BRSK2: variants seen among roughly 807,000 people sequenced by gnomAD.
The protein encoded by BRSK2 is serine/threonine-protein kinase BRSK2.
BRSK2 carries 19 observed loss-of-function variants against 83.3 expected under a neutral mutation model. The ratio of observed to expected loss-of-function variants is 0.23; its 90% CI spans 0.16 to 0.33. The LOEUF (loss-of-function observed/expected upper bound fraction) is 0.33, where lower values mean the gene tolerates loss of function less well. BRSK2 is among the 10% of genes least tolerant of loss of function. The probability of loss-of-function intolerance (pLI) is 1.00; values close to 1 mark genes in which losing one functional copy is unlikely to be tolerated. For synonymous variants in BRSK2, 519 were observed against 435.4 expected (o/e 1.19, Z -2.39); for missense variants, 798 against 1,042.3 (o/e 0.77, Z 3.23).
At chr11:1,440,017 C>T (rs1479772850) in intron 3 of BRSK2, among the ~76,000 whole-genome samples, 1 of 152,212 alleles carries the variant, frequency 6.6e-6, no homozygotes, top group African/African-American at 2.4e-5. Context: ...CAGCTCTGAG[C>T]ATGCACCAAG....
At chr11:1,457,294 C>T (rs1041292443) in intron 18 of BRSK2, among the ~76,000 whole-genome samples, 5 of 152,200 alleles carry the variant, frequency 3.3e-5, no homozygotes, top group African/African-American at 1.2e-4. Context: ...GCCTGACGGG[C>T]TGTGACTTCT....
In BRSK2 at chr11:1,438,497, G is replaced by C. The variant is rs1293136806; in HGVS notation, c.272+106G>C. On this transcript the variant is annotated intron_variant, in intron 3 of 19. Transcript: ENST00000528841. This position sits in a 1 kb window ranked among gnomAD's most constrained non-coding sequence, Gnocchi z 6.4. ...AGCACAGGGGCTGGAGGCCAGGGGC[G>C]CCTGCTGCATCCCAGCAGCCCTGGC... is the stretch of plus-strand genomic sequence containing the variant. The C allele has an allele frequency of 9.9e-7, 1 of 1,013,160 alleles. No homozygotes were observed. The highest frequency in any genetic ancestry group is 2.0e-5 in the Admixed American group (1 of 50,284). The allele number at this position is 1,013,160 out of a possible 1,614,324, so 62.8% of individuals were successfully genotyped here.
chr11:1,413,539 A>C (rs1847786661), intron 1 of BRSK2, among the ~76,000 whole-genome samples: 1 of 152,176 alleles, frequency 6.6e-6, no homozygotes, highest in African/African-American at 2.4e-5. Flanking sequence ...CCTACAGCCC[A>C]CATGGGCCCT....
chr11:1,423,132 C>T lies in BRSK2; in HGVS notation c.92-12908C>T, dbSNP rs559723427. Among the ~76,000 whole-genome samples, 2 of 152,336 alleles carry T rather than the reference C, an allele frequency of 1.3e-5. No individual in the cohort carries two copies. Among genetic ancestry groups the T allele is most frequent in the African/African-American group, 4.8e-5 (2 of 41,580 alleles). ...CCCAGGACCTCCCCAAGAGCTGTGC[C>T]TCCATGTACCTCAGGGCCTCCCCCA... On this transcript the variant is annotated intron_variant, in intron 1 of 19. Coordinates refer to ENST00000528841, the MANE Select transcript of BRSK2 (RefSeq NM_001256627.2). This position sits in a 1 kb window ranked among gnomAD's most constrained non-coding sequence, Gnocchi z 6.5.
chr11:1,420,974 G>T (rs1402293389), intron 1 of BRSK2, among the ~76,000 whole-genome samples: 1 of 152,178 alleles, frequency 6.6e-6, no homozygotes, highest in East Asian at 1.9e-4. Flanking sequence ...CTCAACCCTG[G>T]AGCCTGACTG....
intron 1 of BRSK2, among the ~76,000 whole-genome samples, chr11:1,416,000 A>G (rs1053241909): frequency 2.0e-5 from 3 of 152,264 alleles, no homozygotes; most frequent in Non-Finnish European, 2.9e-5. Flanking sequence ...GCCAGTGGGA[A>G]CTGGAACCAG....
At chr11:1,446,274 T>G (rs1590619403) in intron 12 of BRSK2, among the ~76,000 whole-genome samples, 2 of 53,856 alleles carry the variant, frequency 3.7e-5, no homozygotes, top group Admixed American at 5.7e-4. Flanking sequence ...TGAATTAGGG[T>G]GGGCGGGGCT....
intron 18 of BRSK2, chr11:1,457,095 G>A (rs1193344102): frequency 6.8e-7 from 1 of 1,476,236 alleles, no homozygotes; most frequent in East Asian, 2.5e-5. Context: ...CTGCGGGCAG[G>A]TCCTCGGCGG....
chr11:1,403,044 G>A (rs12803791), intron 1 of BRSK2, among the ~76,000 whole-genome samples: 42,288 of 152,054 alleles, frequency 0.28, 5,992 homozygotes, highest in Middle Eastern at 0.43. Flanking sequence ...GGGACCCCCC[G>A]GGGCCACCAC....
Position 1,438,743 on chromosome 11 carries a change from C to T in BRSK2, c.272+352C>T, listed in dbSNP as rs949049691. Reference sequence around the variant, plus strand: ...ATGGCCACGCTGAGCCTCCTGGCCTCTGCCCAGGACGTCCCCAGCCCTGGG... The same window carrying T: ...ATGGCCACGCTGAGCCTCCTGGCCTTTGCCCAGGACGTCCCCAGCCCTGGG... On this transcript the variant is annotated intron_variant, in intron 3 of 19. Transcript: ENST00000528841. This position sits in a 1 kb window ranked among gnomAD's most constrained non-coding sequence, Gnocchi z 6.4. Among the ~76,000 whole-genome samples, 1 of 152,154 alleles carries T rather than the reference C, an allele frequency of 6.6e-6. No individual in the cohort carries two copies. The highest frequency in any genetic ancestry group is 6.5e-5 in the Admixed American group (1 of 15,284).
chr11:1,446,416 A>C (rs757249031), intron 12 of BRSK2, among the ~76,000 whole-genome samples: 25 of 134,990 alleles, frequency 1.9e-4, no homozygotes, highest in Non-Finnish European at 3.7e-4. Flanking sequence ...GGCTGAGCCG[A>C]GCCAGGCTGG....
At chr11:1,394,889 A>G (rs71469892) in intron 1 of BRSK2, among the ~76,000 whole-genome samples, 30,284 of 84,818 alleles carry the variant, frequency 0.36, 7,594 homozygotes, top group Non-Finnish European at 0.52. Flanking sequence ...GGTCCTGGAG[A>G]TGGGTCCTGG....
At chr11:1,419,142 T>G (rs1848394981) in intron 1 of BRSK2, among the ~76,000 whole-genome samples, 1 of 87,696 alleles carries the variant, frequency 1.1e-5, no homozygotes, top group Admixed American at 1.1e-4. Context: ...GTCTGGGCAC[T>G]GGTGGCGGGG....
At chr11:1,455,880 T>C (rs1315276551) in intron 16 of BRSK2, among the ~76,000 whole-genome samples, 1 of 151,932 alleles carries the variant, frequency 6.6e-6, no homozygotes, top group Non-Finnish European at 1.5e-5. Flanking sequence ...CCCAGCACCA[T>C]AGGTCCCGCA....
intron 12 of BRSK2, among the ~76,000 whole-genome samples, chr11:1,446,409 T>G (rs1032120094): frequency 6.7e-6 from 1 of 150,212 alleles, no homozygotes; most frequent in African/African-American, 2.5e-5. Flanking sequence ...TGGATTTGGC[T>G]GAGCCGAGCC....
intron 13 of BRSK2, 56 bp downstream of exon 13, chr11:1,449,892 A>G (rs1192292534): frequency 1.5e-6 from 2 of 1,343,518 alleles, no homozygotes; most frequent in African/African-American, 1.6e-5. Context: ...CAACCCTCCC[A>G]GTCAGCGTGT....
In BRSK2 at chr11:1,390,944, G is replaced by A. The variant is rs566736259; in HGVS notation, c.91+569G>A. Among the ~76,000 whole-genome samples the A allele has an allele frequency of 2.1e-3, 319 of 152,324 alleles. 1 individual carries two copies. The highest frequency in any genetic ancestry group is 3.7e-3 in the Non-Finnish European group (250 of 68,016). ...CGCTGCTCCGGCTCGGGCTCGGGCG[G>A]GCGGAGCGTCTGTGACCTGCATTCC... On this transcript the variant is annotated intron_variant, in intron 1 of 19. Coordinates refer to ENST00000528841, the MANE Select transcript of BRSK2 (RefSeq NM_001256627.2). The surrounding 1 kb of genome is among the most constrained non-coding windows in gnomAD (Gnocchi z 6.8).
chr11:1,456,920 G>A lies in BRSK2; in HGVS notation c.1939+233G>A, dbSNP rs761535153. The A allele has an allele frequency of 2.3e-5, 37 of 1,589,758 alleles. 1 individual carries two copies. The highest frequency in any genetic ancestry group is 1.2e-4 in the African/African-American group (9 of 74,786). On this transcript the variant is annotated intron_variant, in intron 18 of 19. Coordinates refer to ENST00000528841, the MANE Select transcript of BRSK2 (RefSeq NM_001256627.2). ...CACGCCAGGGACATAGGGCGCAGCC[G>A]CACCACACTGAAAGGCGCCTCTTGT...
At chr11:1,392,805 T>C (rs1201579822) in intron 1 of BRSK2, among the ~76,000 whole-genome samples, 1 of 152,222 alleles carries the variant, frequency 6.6e-6, no homozygotes, top group East Asian at 1.9e-4. Flanking sequence ...CCCTGTCTTG[T>C]TGGGTCTGTG....
Sources: allele counts gnomAD v4.1 joint callset (sites outside exome capture counted in the v4.1 genomes callset), GRCh38; gene constraint gnomAD v4.1.1; non-coding constraint Gnocchi (gnomAD v3.1); transcripts MANE v1.5; gene names NCBI Gene and HGNC (gene_info 2026-07-23, HGNC 2026-07-21).